COX10: variants seen among roughly 807,000 people sequenced by gnomAD.
The protein encoded by COX10 is cytochrome c oxidase assembly factor heme A:farnesyltransferase COX10, also known as protoheme IX farnesyltransferase, mitochondrial.
Under a neutral mutation model 37.3 loss-of-function variants are expected in COX10, and 27 were observed. The observed-to-expected ratio is 0.72, with a 90% CI of 0.53 to 1.00. COX10 has a LOEUF of 1.00. Ranked by LOEUF, COX10 falls within the 50% of genes least tolerant of loss-of-function variation. The probability of loss-of-function intolerance (pLI) is 0.00; values close to 1 mark genes in which losing one functional copy is unlikely to be tolerated. For synonymous variants in COX10, 222 were observed against 229.1 expected, an observed-to-expected ratio of 0.97 and a Z score of 0.28; for missense variants, 475 against 563.2, an observed-to-expected ratio of 0.84 and a Z score of 1.59.
intron 3 of COX10, among the ~76,000 whole-genome samples, chr17:14,093,021 G>C (rs983241741): frequency 6.6e-6 from 1 of 152,102 alleles, no homozygotes; most frequent in African/African-American, 2.4e-5. Context: ...AGCTTTCCAC[G>C]TTAAACAGCT....
At chr17:14,076,111 C>CTTTTTTTTTTTTTTTTTTTTT (rs376434284) in intron 2 of COX10, among the ~76,000 whole-genome samples, 1 of 103,254 alleles carries the variant, frequency 9.7e-6, no homozygotes, top group Non-Finnish European at 1.8e-5. Flanking sequence ...TCTTTTTTGT[C>CTTTTTTTTTTTTTTTTTTTTT]TTTTTTTTTT....
At chr17:14,073,428 G>C (rs1481111987) in intron 1 of COX10, among the ~76,000 whole-genome samples, 1 of 152,076 alleles carries the variant, frequency 6.6e-6, no homozygotes, top group Non-Finnish European at 1.5e-5. Flanking sequence ...AGTAGAGATT[G>C]GTTGAGAATA....
At chr17:14,089,260 G>T (rs1346187781) in intron 3 of COX10, among the ~76,000 whole-genome samples, 1 of 152,126 alleles carries the variant, frequency 6.6e-6, no homozygotes, top group Non-Finnish European at 1.5e-5. Flanking sequence ...TCTTTAGTCT[G>T]CTCTGTGACT....
chr17:14,169,957 C>A (rs893665258), intron 5 of COX10, among the ~76,000 whole-genome samples: 7 of 152,152 alleles, frequency 4.6e-5, no homozygotes, highest in Admixed American at 3.9e-4. Context: ...TGGATTAGTT[C>A]TCATGGGAAT....
At chr17:14,121,941 T>A (rs1916239495) in intron 4 of COX10, among the ~76,000 whole-genome samples, 1 of 151,952 alleles carries the variant, frequency 6.6e-6, no homozygotes. Context: ...TGCATGTGTG[T>A]GGTGTGGAGA....
intron 4 of COX10, among the ~76,000 whole-genome samples, chr17:14,118,372 T>G (rs965279236): frequency 6.6e-6 from 1 of 152,138 alleles, no homozygotes; most frequent in Non-Finnish European, 1.5e-5. Flanking sequence ...AGTGCACTCC[T>G]TTTCCAAGAC....
At chr17:14,168,511 T>C (rs1020028032) in intron 5 of COX10, among the ~76,000 whole-genome samples, 7 of 152,344 alleles carry the variant, frequency 4.6e-5, no homozygotes, top group Non-Finnish European at 8.8e-5. Flanking sequence ...AGGTTCTCCA[T>C]GAGGGCTCAG....
At chr17:14,155,700 G>C (rs1411782018) in intron 4 of COX10, among the ~76,000 whole-genome samples, 2 of 150,524 alleles carry the variant, frequency 1.3e-5, no homozygotes, top group Non-Finnish European at 3.0e-5. Context: ...GGGCGATAGA[G>C]TGAGACTCCA....
At chr17:14,130,906 G>A (rs1916450080) in intron 4 of COX10, among the ~76,000 whole-genome samples, 5 of 152,016 alleles carry the variant, frequency 3.3e-5, no homozygotes, top group Admixed American at 2.6e-4. Flanking sequence ...TTCAAACACT[G>A]TTTGAAAACC....
At chr17:14,178,877 A>G in intron 5 of COX10, among the ~76,000 whole-genome samples, 1 of 152,202 alleles carries the variant, frequency 6.6e-6, no homozygotes, top group African/African-American at 2.4e-5. Context: ...GGCAAAGGAA[A>G]GGGTTATAAG....
At chr17:14,133,412 A>G (rs1470693150) in intron 4 of COX10, among the ~76,000 whole-genome samples, 1 of 151,672 alleles carries the variant, frequency 6.6e-6, no homozygotes, top group Non-Finnish European at 1.5e-5. Flanking sequence ...TTTTTAAATT[A>G]AATTAGGATA....
chr17:14,086,609 A>G (rs959755315), intron 3 of COX10, among the ~76,000 whole-genome samples: 4 of 152,064 alleles, frequency 2.6e-5, no homozygotes, highest in African/African-American at 9.7e-5. Context: ...GTGATTTTGG[A>G]AGTATTTAAA....
chr17:14,197,532 G>A (rs745644914), intron 6 of COX10, among the ~76,000 whole-genome samples: 4 of 152,230 alleles, frequency 2.6e-5, no homozygotes, highest in Admixed American at 6.5e-5. Flanking sequence ...TCCCACATAG[G>A]TGTCTGACCG....
At chr17:14,122,361 G>T (rs1331468937) in intron 4 of COX10, among the ~76,000 whole-genome samples, 18 of 152,008 alleles carry the variant, frequency 1.2e-4, no homozygotes, top group Non-Finnish European at 1.5e-4. Context: ...ATGTGCTCTG[G>T]CAATCCCCGT....
intron 3 of COX10, among the ~76,000 whole-genome samples, chr17:14,084,492 C>T (rs1191548801): frequency 4.6e-5 from 7 of 152,002 alleles, no homozygotes; most frequent in African/African-American, 7.2e-5. Context: ...AATATACGAT[C>T]GTAGCGTAAA....
chr17:14,179,732 G>A (rs1290849607), intron 5 of COX10, among the ~76,000 whole-genome samples: 1 of 151,464 alleles, frequency 6.6e-6, no homozygotes, highest in Non-Finnish European at 1.5e-5. Flanking sequence ...CTATTTTCCA[G>A]CTTGGTAACG....
At chr17:14,080,198 A>G (rs1246940112) in intron 3 of COX10, among the ~76,000 whole-genome samples, 2 of 149,520 alleles carry the variant, frequency 1.3e-5, no homozygotes, top group Non-Finnish European at 3.0e-5. Context: ...TCCCCTCAAC[A>G]GCATTTGGGA....
intron 4 of COX10, among the ~76,000 whole-genome samples, chr17:14,153,628 G>A (rs141143140): frequency 1.1e-3 from 160 of 152,228 alleles, no homozygotes; most frequent in African/African-American, 3.7e-3. Flanking sequence ...CCAAAACCTG[G>A]AAGTGGAACT....
intron 6 of COX10, 59 bp from the exon 7 acceptor site, chr17:14,206,751 T>C: frequency 6.2e-7 from 1 of 1,606,108 alleles, no homozygotes; most frequent in Non-Finnish European, 8.5e-7. Flanking sequence ...AAACCATTCT[T>C]TGGAAATCTC....
Sources: gnomAD v4.1 joint callset for allele counts (sites outside exome capture counted in the v4.1 genomes callset) on GRCh38, gnomAD v4.1.1 for gene constraint, MANE v1.5 for transcripts, NCBI Gene and HGNC (gene_info 2026-07-23, HGNC 2026-07-21) for gene names.